Variants in PCDH9 observed in about 807,000 individuals in gnomAD.
The protein encoded by PCDH9 is protocadherin-9.
A neutral mutation model predicts 70.6 loss-of-function variants in PCDH9; 24 were observed. The ratio of observed to expected loss-of-function variants is 0.34; its 90% CI spans 0.25 to 0.48. The LOEUF is 0.48. Among genes scored for constraint, PCDH9 ranks in the 20% least tolerant of loss-of-function variants. The pLI is 0.99. For synonymous variants in PCDH9, 562 were observed against 558.5 expected (o/e 1.01, Z -0.09); for missense variants, 1,281 against 1,503.6 (o/e 0.85, Z 2.45).
intron 4 of PCDH9, among the ~76,000 whole-genome samples, chr13:66,493,404 A>G (rs1959064678): frequency 6.6e-6 from 1 of 152,188 alleles, no homozygotes; most frequent in African/African-American, 2.4e-5. Flanking sequence ...CAGTTGTATT[A>G]GTAAACTTAG....
At chr13:67,017,401 G>A (rs2084584631) in intron 2 of PCDH9, among the ~76,000 whole-genome samples, 1 of 152,114 alleles carries the variant, frequency 6.6e-6, no homozygotes, top group African/African-American at 2.4e-5. Flanking sequence ...CACTCTCTAA[G>A]CAATTTACAG....
intron 2 of PCDH9, among the ~76,000 whole-genome samples, chr13:66,933,093 T>A (rs982878998): frequency 1.5e-4 from 23 of 151,952 alleles, no homozygotes; most frequent in African/African-American, 5.6e-4. Context: ...CAGAGAACCA[T>A]AATATTAATA....
intron 2 of PCDH9, among the ~76,000 whole-genome samples, chr13:67,053,994 C>T (rs2085371586): frequency 6.6e-6 from 1 of 152,164 alleles, no homozygotes; most frequent in Admixed American, 6.6e-5. Flanking sequence ...TATGGAAGCT[C>T]TTAGTCACCA....
At chr13:66,535,237 T>C (rs1473610083) in intron 4 of PCDH9, among the ~76,000 whole-genome samples, 1 of 152,102 alleles carries the variant, frequency 6.6e-6, no homozygotes, top group Non-Finnish European at 1.5e-5. Flanking sequence ...GTTAAATAAA[T>C]GTTTTTAAAC....
chr13:66,938,212 T>A (rs990978831), intron 2 of PCDH9, among the ~76,000 whole-genome samples: 1 of 152,174 alleles, frequency 6.6e-6, no homozygotes, highest in Non-Finnish European at 1.5e-5. Context: ...TAATTGGTTA[T>A]CATTAGGAAA....
chr13:66,387,478 C>T (rs1277867993), intron 4 of PCDH9, among the ~76,000 whole-genome samples: 2 of 150,626 alleles, frequency 1.3e-5, no homozygotes, highest in African/African-American at 2.5e-5. Flanking sequence ...CCCCCATGAA[C>T]GGCTTGGTGC....
In PCDH9 at chr13:66,793,358, C is replaced by T. The variant is rs114202638; in HGVS notation, c.3138+110146G>A. ...AAAGACATTTTCTGGTAAGAACATA[C>T]AGTCTAGAATAAAACAGATAGAAAA... On this transcript the variant is annotated intron_variant, in intron 3 of 4. Transcript: ENST00000377865. 2.8e-3 allele frequency among the ~76,000 whole-genome samples: 419 copies of T among 152,202 alleles called. 3 individuals carry two copies. The highest frequency in any genetic ancestry group is 9.7e-3 in the African/African-American group (405 of 41,572).
At chr13:66,934,541 C>CAAAA (rs553566707) in intron 2 of PCDH9, among the ~76,000 whole-genome samples, 1 of 45,954 alleles carries the variant, frequency 2.2e-5, no homozygotes, top group South Asian at 6.5e-4. Flanking sequence ...AACTCAGTCC[C>CAAAA]AAAAAAAAAA....
chr13:66,443,908 G>A (rs374378944), intron 4 of PCDH9, among the ~76,000 whole-genome samples: 20 of 152,050 alleles, frequency 1.3e-4, no homozygotes, highest in African/African-American at 3.9e-4. Context: ...TACTATGAGC[G>A]TTGTTTAACA....
chr13:66,960,585 A>G (rs888483805), intron 2 of PCDH9, among the ~76,000 whole-genome samples: 4 of 152,206 alleles, frequency 2.6e-5, no homozygotes, highest in Non-Finnish European at 5.9e-5. Flanking sequence ...TTTGGATTTT[A>G]CATGAAGTAG....
At chr13:66,474,149 A>G (rs1316423065) in intron 4 of PCDH9, among the ~76,000 whole-genome samples, 1 of 152,184 alleles carries the variant, frequency 6.6e-6, no homozygotes, top group African/African-American at 2.4e-5. Context: ...TCATGACTAA[A>G]TTTAGTCAGC....
chr13:66,648,988 T>C (rs1006119626), intron 3 of PCDH9, among the ~76,000 whole-genome samples: 7 of 151,962 alleles, frequency 4.6e-5, no homozygotes, highest in Non-Finnish European at 7.4e-5. Flanking sequence ...CTTGAAGACA[T>C]GCTACTTAAA....
intron 3 of PCDH9, among the ~76,000 whole-genome samples, chr13:66,640,220 A>G (rs192910693): frequency 2.0e-5 from 3 of 152,352 alleles, no homozygotes; most frequent in Non-Finnish European, 2.9e-5. Context: ...ATAACAAAGT[A>G]TCACCACAAA....
intron 4 of PCDH9, among the ~76,000 whole-genome samples, chr13:66,582,631 C>A (rs567087266): frequency 6.6e-6 from 1 of 152,126 alleles, no homozygotes; most frequent in East Asian, 1.9e-4. Flanking sequence ...GACCCTGTCT[C>A]AAACAAATGA....
rs1594530760 is a variant in PCDH9, at chr13:67,114,208, G to A, written c.3036+111197C>T. 3.9e-5 allele frequency among the ~76,000 whole-genome samples: 6 copies of A among 152,012 alleles called. No individual in the cohort carries two copies. The South Asian group carries it at 1.0e-3, about 26-fold the overall frequency. On this transcript the variant is annotated intron_variant, in intron 2 of 4. Coordinates refer to ENST00000377865, the MANE Select transcript of PCDH9 (RefSeq NM_203487.3). Reference sequence around the variant, plus strand: ...CTTTTTAAAATTTCTCTCCTAAGTAGCCTTTTAAGACATTTTTTCTTAATT... The same window carrying A: ...CTTTTTAAAATTTCTCTCCTAAGTAACCTTTTAAGACATTTTTTCTTAATT...
In PCDH9 at chr13:66,696,783, CTTTT is replaced by C. The variant is rs34598874; in HGVS notation, c.3139-65376_3139-65373del. On this transcript the variant is annotated intron_variant, in intron 3 of 4. Coordinates refer to ENST00000377865, the MANE Select transcript of PCDH9 (RefSeq NM_203487.3). ...AAACCTTGCTGGTTGTTCAGGCAAA[CTTTT>C]TTTTTTTTTTTTTTTTTTGAGATTT... is the stretch of plus-strand genomic sequence containing the variant. Among the ~76,000 whole-genome samples the C allele has an allele frequency of 9.0e-3, 1,141 of 126,092 alleles. 7 individuals carry two copies. Among genetic ancestry groups the C allele is most frequent in the African/African-American group, 0.012 (381 of 32,744 alleles). The allele number at this position is 126,092 out of a possible 152,430, so 82.7% of individuals were successfully genotyped here.
intron 4 of PCDH9, among the ~76,000 whole-genome samples, chr13:66,437,268 G>A (rs1200446268): frequency 6.6e-6 from 1 of 151,380 alleles, no homozygotes; most frequent in East Asian, 1.9e-4. Context: ...TTAGCCGGGC[G>A]TGGTGGCGGG....
chr13:66,680,566 T>C (rs2078305175), intron 3 of PCDH9, among the ~76,000 whole-genome samples: 1 of 151,920 alleles, frequency 6.6e-6, no homozygotes, highest in Non-Finnish European at 1.5e-5. Context: ...TTTGACAAGC[T>C]AACAATTTTT....
chr13:66,377,956 T>C (rs1312756324), intron 4 of PCDH9, among the ~76,000 whole-genome samples: 1 of 152,182 alleles, frequency 6.6e-6, no homozygotes, highest in African/African-American at 2.4e-5. Flanking sequence ...AAGTCAACAT[T>C]TCAGTAATAG....
Sources: allele counts gnomAD v4.1 joint callset (sites outside exome capture counted in the v4.1 genomes callset), GRCh38; gene constraint gnomAD v4.1.1; transcripts MANE v1.5; gene names NCBI Gene and HGNC (gene_info 2026-07-23, HGNC 2026-07-21).